BOK: variants seen among roughly 807,000 people sequenced by gnomAD.
The protein encoded by BOK is BCL2 family apoptosis regulator BOK, also known as bcl-2-related ovarian killer protein.
BOK carries 20 observed loss-of-function variants against 18.3 expected under a neutral mutation model. That is an observed-to-expected ratio of 1.09 (90% CI 0.77 to 1.59). BOK has a LOEUF of 1.59. Ranked by LOEUF, BOK falls within the 40% of genes most tolerant of loss-of-function variation. The pLI, the probability that BOK is intolerant of heterozygous loss-of-function variation, is 0.00. For missense variants in BOK, 348 were observed against 307.9 expected, an observed-to-expected ratio of 1.13 and a Z score of -0.97; for synonymous variants, 173 against 142.4, an observed-to-expected ratio of 1.21 and a Z score of -1.53.
intron 4 of BOK, among the ~76,000 whole-genome samples, chr2:241,571,668 C>T (rs13004470): frequency 0.15 from 23,367 of 152,224 alleles, 1,958 homozygotes; most frequent in Middle Eastern, 0.27. Flanking sequence ...TGGGCGACGA[C>T]ACTTTGAGCA....
intron 3 of BOK, among the ~76,000 whole-genome samples, chr2:241,569,608 G>A (rs1314994267): frequency 6.6e-6 from 1 of 152,074 alleles, no homozygotes; most frequent in Non-Finnish European, 1.5e-5. Flanking sequence ...CGTATAAGAC[G>A]TCTTTCCGTG....
upstream of BOK, among the ~76,000 whole-genome samples, chr2:241,555,378 ATTTT>A (rs11382322): frequency 7.2e-6 from 1 of 139,040 alleles, no homozygotes; most frequent in Admixed American, 7.2e-5. Context: ...CACTGAGGTC[ATTTT>A]TTTTTTTTTT....
intron 3 of BOK, among the ~76,000 whole-genome samples, chr2:241,569,684 A>G (rs1475219885): frequency 1.3e-5 from 2 of 152,116 alleles, no homozygotes; most frequent in African/African-American, 4.8e-5. Context: ...CTCTCTTTCA[A>G]GGCTGCTCCC....
At position 241,572,488 on chromosome 2, in the gene BOK, G is replaced by C; in HGVS notation, c.*66G>C. 6.5e-7 allele frequency: 1 copy of C among 1,543,972 alleles called. No individual in the cohort carries two copies. The highest frequency in any genetic ancestry group is 8.7e-7 in the Non-Finnish European group (1 of 1,149,566). On this transcript the variant is annotated 3_prime_UTR_variant, in exon 5 of 5. Transcript: ENST00000318407. Reference sequence around the variant, plus strand: ...CCAACGCAGGAGGCCCTCAGCACCCGAACACATCTTCCTCCTCCCCACCCG... The same window carrying C: ...CCAACGCAGGAGGCCCTCAGCACCCCAACACATCTTCCTCCTCCCCACCCG...
chr2:241,563,471 C>T (rs1442523889), intron 3 of BOK, among the ~76,000 whole-genome samples: 3 of 152,228 alleles, frequency 2.0e-5, no homozygotes, highest in African/African-American at 7.2e-5. Context: ...CTGATTGGCA[C>T]ATTCCTCAGC....
Position 241,562,752 on chromosome 2 carries a change from TG to T in BOK, c.349+280del, listed in dbSNP as rs990783234. On this transcript the variant is annotated intron_variant, in intron 3 of 4. Coordinates refer to ENST00000318407, the MANE Select transcript of BOK (RefSeq NM_032515.5). This position sits in a 1 kb window ranked among gnomAD's most constrained non-coding sequence, Gnocchi z 4.5. ...GGTTGTAGTTGTGGTCCAGCATCCG[TG>T]GGGCCGCGTGACCTGCAGTCCTGTG... Among the ~76,000 whole-genome samples the T allele has an allele frequency of 6.8e-4, 103 of 152,282 alleles. No individual in the cohort carries two copies. Among genetic ancestry groups the T allele is most frequent in the African/African-American group, 2.4e-3 (100 of 41,558 alleles).
chr2:241,569,167 G>A (rs751232162), intron 3 of BOK, among the ~76,000 whole-genome samples: 7 of 152,224 alleles, frequency 4.6e-5, no homozygotes, highest in Non-Finnish European at 8.8e-5. Flanking sequence ...GTCTCGCTCT[G>A]TCGCCCAGGC....
rs2066761384 is a variant in BOK at position 241,573,837 on chromosome 2, A to G, written c.*1415A>G. 6.6e-6 allele frequency: 1 copy of G among 152,338 alleles called. No individual in the cohort carries two copies. Among genetic ancestry groups the G allele is most frequent in the Non-Finnish European group, 1.5e-5 (1 of 68,128 alleles). 9.4% of individuals were successfully genotyped at this position (152,338 alleles called of 1,614,324 possible). ...CACACACAGCCTTCCCTTGACGCCT[A>G]CATTTCTAGGCACATGTGAGGCATC... is the stretch of plus-strand genomic sequence containing the variant. On this transcript the variant is annotated 3_prime_UTR_variant, in exon 5 of 5. Transcript: ENST00000318407.
chr2:241,564,056 C>A (rs1420412694), intron 3 of BOK, among the ~76,000 whole-genome samples: 1 of 152,266 alleles, frequency 6.6e-6, no homozygotes, highest in African/African-American at 2.4e-5. Flanking sequence ...CATTTTCTGA[C>A]AGAATCCGGC....
intron 4 of BOK, among the ~76,000 whole-genome samples, chr2:241,570,652 A>G (rs80008652): frequency 4.2e-3 from 1 of 240 alleles, no homozygotes; most frequent in Non-Finnish European, 7.5e-3. Flanking sequence ...GCAGAGGTAC[A>G]GGAGGGAGTG....
At chr2:241,553,118 G>T (rs1339369597) in intron 1 of BOK, among the ~76,000 whole-genome samples, 1 of 141,434 alleles carries the variant, frequency 7.1e-6, no homozygotes, top group African/African-American at 2.5e-5. Flanking sequence ...CCCACCCCCG[G>T]CATGGCATCC....
At position 241,559,556 on chromosome 2, in the gene BOK, A is replaced by C; in HGVS notation, c.73A>C (p.Lys25Gln). 1 of 1,528,556 alleles carries C rather than the reference A, an allele frequency of 6.5e-7. No homozygotes were observed. The highest frequency in any genetic ancestry group is 8.7e-7 in the Non-Finnish European group (1 of 1,147,156). The allele number at this position is 1,528,556 out of a possible 1,614,324, so 94.7% of individuals were successfully genotyped here. A position where few individuals can be genotyped will look rare whatever the true frequency, so the allele number is the denominator to read the frequency against. Reference protein sequence around the residue: ...MDAFDRSPTDKELVAQAKALG... With the variant: ...MDAFDRSPTDQELVAQAKALG... Reference sequence around the variant, plus strand: ...CGCCTTTGACCGCTCGCCCACAGACAAGGAGCTGGTGGCCCAGGCCAAGGC... The same window carrying C: ...CGCCTTTGACCGCTCGCCCACAGACCAGGAGCTGGTGGCCCAGGCCAAGGC... The change falls in exon 2 of 5, where the codon AAG (lysine) becomes CAG (glutamine). Residue 25 changes from lysine to glutamine, a missense_variant. Physicochemically the swap from Lys to Gln is moderately conservative, Grantham distance 53. Transcript: ENST00000318407.
At chr2:241,566,607 G>A (rs1377690292) in intron 3 of BOK, among the ~76,000 whole-genome samples, 1 of 152,132 alleles carries the variant, frequency 6.6e-6, no homozygotes, top group Non-Finnish European at 1.5e-5. Context: ...ATCAGACCAT[G>A]TCACTTCCCT....
At chr2:241,556,986 A>C (rs2066457483), upstream of BOK, among the ~76,000 whole-genome samples, 1 of 152,218 alleles carries the variant, frequency 6.6e-6, no homozygotes, top group African/African-American at 2.4e-5. Flanking sequence ...ATCATCTAAA[A>C]TTTCAAATGC....
intron 3 of BOK, among the ~76,000 whole-genome samples, chr2:241,564,133 C>T (rs1028850974): frequency 6.6e-6 from 1 of 152,232 alleles, no homozygotes; most frequent in African/African-American, 2.4e-5. Context: ...TGGGATGCAG[C>T]GGCGACCTGG....
chr2:241,571,644 C>T (rs989493579), intron 4 of BOK, among the ~76,000 whole-genome samples: 4 of 152,306 alleles, frequency 2.6e-5, no homozygotes, highest in South Asian at 2.1e-4. Flanking sequence ...TGGGGCTGGG[C>T]ACTGTGTGCC....
Position 241,559,630 on chromosome 2 carries a change from C to T in BOK, c.147C>T (p.Ser49=), listed in dbSNP as rs1254732486. 4 of 1,436,178 alleles carry T rather than the reference C, an allele frequency of 2.8e-6. No individual in the cohort carries two copies. The highest frequency in any genetic ancestry group is 2.9e-5 in the Admixed American group (1 of 34,092). 89.0% of individuals were successfully genotyped at this position (1,436,178 alleles called of 1,614,324 possible). ...VHARLLRAGL[S]WSAPERAAPV... Reference sequence around the variant, plus strand: ...CGCGGCTGCTGCGCGCCGGCCTCTCCTGGAGCGCGCCCGAGCGTGCCGCGC... The same window carrying T: ...CGCGGCTGCTGCGCGCCGGCCTCTCTTGGAGCGCGCCCGAGCGTGCCGCGC... The change falls in exon 2 of 5, where the codon TCC becomes TCT. Residue 49 remains serine (S), a synonymous_variant. Transcript: ENST00000318407.
upstream of BOK, among the ~76,000 whole-genome samples, chr2:241,557,860 T>C (rs1210136415): frequency 2.0e-5 from 3 of 152,158 alleles, no homozygotes; most frequent in Non-Finnish European, 2.9e-5. Flanking sequence ...TTTCAATCCG[T>C]TGAGATTTGC....
At chr2:241,568,177 A>G (rs1431870084) in intron 3 of BOK, among the ~76,000 whole-genome samples, 4 of 152,088 alleles carry the variant, frequency 2.6e-5, no homozygotes, top group South Asian at 2.1e-4. Flanking sequence ...CTAGAGTGCA[A>G]TGGCGTGATC....
Sources: allele counts gnomAD v4.1 joint callset (sites outside exome capture counted in the v4.1 genomes callset), GRCh38; gene constraint gnomAD v4.1.1; non-coding constraint Gnocchi (gnomAD v3.1); transcripts MANE v1.5; gene names NCBI Gene and HGNC (gene_info 2026-07-23, HGNC 2026-07-21).